The following CD2AP variants were observed in gnomAD, a reference collection of about 807,000 sequenced individuals.
CD2AP encodes the protein CD2-associated protein.
Under a neutral mutation model 85.1 loss-of-function variants are expected in CD2AP, and 46 were observed. The ratio of observed to expected loss-of-function variants is 0.54; its 90% CI spans 0.43 to 0.69. The LOEUF is 0.69. Among genes scored for constraint, CD2AP ranks in the 30% least tolerant of loss-of-function variants. The pLI is 0.00. For missense variants in CD2AP, 769 were observed against 729.5 expected (o/e 1.05, Z -0.62); for synonymous variants, 255 against 252.9 (o/e 1.01, Z -0.08).
intron 1 of CD2AP, among the ~76,000 whole-genome samples, chr6:47,486,482 A>G (rs1041169489): frequency 6.6e-6 from 1 of 152,232 alleles, no homozygotes; most frequent in Non-Finnish European, 1.5e-5. Flanking sequence ...TAGGAGAAGC[A>G]TATGGAATAT....
intron 5 of CD2AP, among the ~76,000 whole-genome samples, chr6:47,571,769 TAG>T (rs1768160104): frequency 6.6e-6 from 1 of 152,144 alleles, no homozygotes; most frequent in African/African-American, 2.4e-5. Flanking sequence ...TCTTTCTCTC[TAG>T]ATTTCAGAGA....
chr6:47,518,890 A>G (rs1766515255), intron 2 of CD2AP, among the ~76,000 whole-genome samples: 1 of 152,188 alleles, frequency 6.6e-6, no homozygotes, highest in African/African-American at 2.4e-5. Flanking sequence ...TTCCCCAGGT[A>G]GCCTCTGTTG....
chr6:47,610,971 A>ATATATATATATATTTTTTTTTTTTT, intron 16 of CD2AP, among the ~76,000 whole-genome samples: 1 of 112,908 alleles, frequency 8.9e-6, no homozygotes, highest in African/African-American at 3.6e-5. Flanking sequence ...ATATATATGT[A>ATATATATATATATTTTTTTTTTTTT]TTTTTTTTTT....
intron 5 of CD2AP, 130 bp from the exon 6 acceptor site, chr6:47,573,934 A>G (rs1768228245): frequency 1.3e-6 from 1 of 784,522 alleles, no homozygotes. Context: ...TGGATATTTC[A>G]GTACTGAATA....
intron 11 of CD2AP, among the ~76,000 whole-genome samples, chr6:47,589,565 C>CACACACACATAT (rs139814970): frequency 5.0e-5 from 6 of 120,998 alleles, no homozygotes; most frequent in Admixed American, 2.4e-4. Flanking sequence ...CACACACACA[C>CACACACACATAT]ATATATATAT....
In CD2AP at chr6:47,504,635, C is replaced by T. The variant is rs149425838; in HGVS notation, c.165+1195C>T. ...AATTGGTGAGTCTGCAGTTGTGGAG[C>T]CTGCGGATGTGGAGGGCCGACTGTA... On this transcript the variant is annotated intron_variant, in intron 2 of 17. Transcript: ENST00000359314. Among the ~76,000 whole-genome samples the T allele has an allele frequency of 4.1e-3, 619 of 152,162 alleles. 2 individuals are homozygous for T. Among genetic ancestry groups the T allele is most frequent in the African/African-American group, 0.014 (565 of 41,492 alleles).
intron 1 of CD2AP, 94 bp downstream of exon 1, chr6:47,478,342 T>G: frequency 6.9e-7 from 1 of 1,444,098 alleles, no homozygotes; most frequent in Non-Finnish European, 9.5e-7. Context: ...GCGACTGCGG[T>G]CAGCCCCTGA....
chr6:47,512,628 A>G (rs1002548526), intron 2 of CD2AP, among the ~76,000 whole-genome samples: 7 of 152,222 alleles, frequency 4.6e-5, no homozygotes, highest in Admixed American at 2.0e-4. Context: ...TTTTAAAAGT[A>G]TTTTACAAAG....
At chr6:47,613,824 C>T (rs1349821939) in intron 17 of CD2AP, among the ~76,000 whole-genome samples, 1 of 152,194 alleles carries the variant, frequency 6.6e-6, no homozygotes, top group Non-Finnish European at 1.5e-5. Context: ...TGTTTTACCT[C>T]CTTTGAAAAT....
At chr6:47,502,484 A>C in intron 1 of CD2AP, among the ~76,000 whole-genome samples, 1 of 149,260 alleles carries the variant, frequency 6.7e-6, no homozygotes, top group Non-Finnish European at 1.5e-5. Flanking sequence ...GCTGGCCTCG[A>C]ACTCCTGAGT....
At chr6:47,549,187 T>G (rs572661830) in intron 4 of CD2AP, among the ~76,000 whole-genome samples, 1 of 152,228 alleles carries the variant, frequency 6.6e-6, no homozygotes, top group South Asian at 2.1e-4. Flanking sequence ...AACATAGTAC[T>G]GGAAGTCCTA....
chr6:47,571,073 G>A (rs975533323), intron 5 of CD2AP, among the ~76,000 whole-genome samples: 1 of 151,456 alleles, frequency 6.6e-6, no homozygotes, highest in African/African-American at 2.4e-5. Context: ...TGTGAAAATT[G>A]TACTTTAGAA....
intron 4 of CD2AP, among the ~76,000 whole-genome samples, chr6:47,549,178 A>G (rs1353722937): frequency 6.6e-6 from 1 of 152,176 alleles, no homozygotes; most frequent in Non-Finnish European, 1.5e-5. Flanking sequence ...CTCCTCTTCA[A>G]CATAGTACTG....
At chr6:47,572,278 C>T (rs976586918) in intron 5 of CD2AP, among the ~76,000 whole-genome samples, 4 of 152,144 alleles carry the variant, frequency 2.6e-5, no homozygotes, top group South Asian at 4.1e-4. Context: ...GGATCCACTG[C>T]GATGGTGTAC....
intron 17 of CD2AP, among the ~76,000 whole-genome samples, chr6:47,623,073 G>T (rs1391934874): frequency 6.6e-6 from 1 of 152,198 alleles, no homozygotes; most frequent in Non-Finnish European, 1.5e-5. Context: ...ATTGAAGACA[G>T]GCTTGTTGTA....
intron 1 of CD2AP, among the ~76,000 whole-genome samples, chr6:47,479,643 C>G (rs1582457444): frequency 6.6e-6 from 1 of 152,150 alleles, no homozygotes; most frequent in Non-Finnish European, 1.5e-5. Flanking sequence ...ATCACTTTAA[C>G]TGCTTTGGAT....
chr6:47,521,807 G>A (rs1427333647), intron 2 of CD2AP, among the ~76,000 whole-genome samples: 1 of 152,008 alleles, frequency 6.6e-6, no homozygotes, highest in Admixed American at 6.5e-5. Context: ...CCTGAGTTCT[G>A]GAGTTCAAGA....
At chr6:47,562,763 A>G (rs1767895227) in intron 5 of CD2AP, 1 of 952,246 alleles carries the variant, frequency 1.1e-6, no homozygotes. Context: ...TGGCAAGCTC[A>G]TGTTTGTGTG....
At position 47,607,239 on chromosome 6, in the gene CD2AP, C is replaced by T. The variant is rs140364003; in HGVS notation, c.1531-688C>T. Reference sequence around the variant, plus strand: ...CACTTAGGTTGATTCCAATTCTTGGCTGTATTCTTGTGAATAGTGCTACAG... The same window carrying T: ...CACTTAGGTTGATTCCAATTCTTGGTTGTATTCTTGTGAATAGTGCTACAG... On this transcript the variant is annotated intron_variant, in intron 14 of 17. Transcript: ENST00000359314. Among the ~76,000 whole-genome samples, 393 of 152,206 alleles carry T rather than the reference C, an allele frequency of 2.6e-3. 1 individual carries two copies. The Middle Eastern group carries it at 0.044, about 17-fold the overall frequency.
Sources: allele counts gnomAD v4.1 joint callset (sites outside exome capture counted in the v4.1 genomes callset), GRCh38; gene constraint gnomAD v4.1.1; transcripts MANE v1.5; gene names NCBI Gene and HGNC (gene_info 2026-07-23, HGNC 2026-07-21).